IFIH1: variants seen among roughly 807,000 people sequenced by gnomAD.
The protein encoded by IFIH1 is interferon induced with helicase C domain 1.
Under a neutral mutation model 107.4 loss-of-function variants are expected in IFIH1, and 125 were observed. The observed-to-expected ratio is 1.16, with a 90% CI of 1.01 to 1.35. IFIH1 has a LOEUF of 1.35. Among genes scored for constraint, IFIH1 ranks in the 40% most tolerant of loss-of-function variants. The pLI, the probability that IFIH1 is intolerant of heterozygous loss-of-function variation, is 0.00. For synonymous variants in IFIH1, 458 were observed against 413.2 expected, an observed-to-expected ratio of 1.11 and a Z score of -1.31; for missense variants, 1,333 against 1,213.7, an observed-to-expected ratio of 1.10 and a Z score of -1.46.
Position 162,312,380 on chromosome 2 carries a change from A to G in IFIH1, c.454-1447T>C, listed in dbSNP as rs572915997. Among the ~76,000 whole-genome samples, 17 of 152,260 alleles carry G rather than the reference A, an allele frequency of 1.1e-4. No individual in the cohort carries two copies. The South Asian group carries it at 1.7e-3, about 15-fold the overall frequency. ...TTAACCCAGCAGCCCAGAAATAGGT[A>G]CCAATATTAACTCATTTACAGATCA... On this transcript the variant is annotated intron_variant, in intron 1 of 15. Coordinates refer to ENST00000649979, the MANE Select transcript of IFIH1 (RefSeq NM_022168.4).
At chr2:162,267,950 G>C in intron 14 of IFIH1, 137 bp downstream of exon 14, 1 of 588,924 alleles carries the variant, frequency 1.7e-6, no homozygotes. Context: ...TTTAAAATAG[G>C]AATATAATTG....
intron 8 of IFIH1, among the ~76,000 whole-genome samples, chr2:162,278,927 A>G (rs572243780): frequency 5.3e-5 from 8 of 152,170 alleles, no homozygotes; most frequent in African/African-American, 1.4e-4. Flanking sequence ...CTGTCTCTTG[A>G]TTTGGATTTT....
At chr2:162,273,701 A>G (rs1691090260) in intron 12 of IFIH1, 94 bp downstream of exon 12, 3 of 960,476 alleles carry the variant, frequency 3.1e-6, no homozygotes, top group Admixed American at 5.6e-5. Context: ...TAAAAACTAA[A>G]AAGATGTTTT....
chr2:162,312,296 G>A (rs1393303613), intron 1 of IFIH1, among the ~76,000 whole-genome samples: 1 of 152,004 alleles, frequency 6.6e-6, no homozygotes, highest in Admixed American at 6.6e-5. Context: ...TCTACCCAAG[G>A]GATATTTCCG....
At chr2:162,278,494 T>A (rs1347900423) in intron 8 of IFIH1, among the ~76,000 whole-genome samples, 166 bp from the exon 9 acceptor site, 1 of 152,178 alleles carries the variant, frequency 6.6e-6, no homozygotes, top group Non-Finnish European at 1.5e-5. Flanking sequence ...TTTTGTCAGC[T>A]TCTCTTTTAA....
chr2:162,288,207 G>A lies in IFIH1; in HGVS notation c.1023C>T (p.Tyr341=), dbSNP rs1235366028. 1.9e-6 allele frequency: 3 copies of A among 1,612,572 alleles called. No homozygotes were observed. In the African/African-American group the frequency reaches 4.0e-5, roughly 22 times the overall value. The change falls in exon 5 of 16, where the codon TAC becomes TAT. Residue 341 remains tyrosine, a synonymous_variant. Transcript: ENST00000649979. Reference sequence around the variant, plus strand: ...TCTTGTCTAAGTGATCCTTGGCAATGTAAACAGCCACTCTGGTTTTTCCAC... The same window carrying A: ...TCTTGTCTAAGTGATCCTTGGCAATATAAACAGCCACTCTGGTTTTTCCAC... ...TGSGKTRVAV[Y]IAKDHLDKKK...
chr2:162,306,947 A>G, intron 2 of IFIH1, 92 bp from the exon 3 acceptor site: 1 of 1,116,404 alleles, frequency 9.0e-7, no homozygotes, highest in Non-Finnish European at 1.3e-6. Flanking sequence ...AAAACAAACT[A>G]GAGGTTCCTA....
chr2:162,302,937 T>C (rs1013680411), intron 3 of IFIH1, among the ~76,000 whole-genome samples: 2 of 152,214 alleles, frequency 1.3e-5, no homozygotes, highest in Non-Finnish European at 2.9e-5. Flanking sequence ...TGTTTGTGAA[T>C]TGGATGGATC....
chr2:162,309,080 A>G (rs1005176073), intron 2 of IFIH1, among the ~76,000 whole-genome samples: 2 of 152,218 alleles, frequency 1.3e-5, no homozygotes, highest in African/African-American at 4.8e-5. Context: ...AGATATAGGA[A>G]AGAAAGCAAG....
Position 162,306,770 on chromosome 2 carries a change from C to T in IFIH1, c.708G>A (p.Glu236=). The part of the protein sequence containing the change: ...STTVQPNLEK[E]VWGMENNSSE... Reference sequence around the variant, plus strand: ...ATGAGTTATTCTCCATGCCCCAGACCTCCTTCTCCAGATTTGGCTGAACTG... The same window carrying T: ...ATGAGTTATTCTCCATGCCCCAGACTTCCTTCTCCAGATTTGGCTGAACTG... The change falls in exon 3 of 16, where the codon GAG becomes GAA. Residue 236 remains glutamate, a synonymous_variant. Transcript: ENST00000649979. 4.3e-6 allele frequency: 7 copies of T among 1,613,932 alleles called. No individual in the cohort carries two copies. The highest frequency in any genetic ancestry group is 2.2e-5 in the South Asian group (2 of 91,074).
At chr2:162,286,858 G>C (rs572507550) in intron 5 of IFIH1, among the ~76,000 whole-genome samples, 27 of 151,854 alleles carry the variant, frequency 1.8e-4, no homozygotes, top group Non-Finnish European at 2.7e-4. Flanking sequence ...TCATTACTAG[G>C]CCATATATAA....
At chr2:162,300,735 T>C (rs1449160170) in intron 3 of IFIH1, among the ~76,000 whole-genome samples, 1 of 152,210 alleles carries the variant, frequency 6.6e-6, no homozygotes, top group South Asian at 2.1e-4. Context: ...AGTCCTGATA[T>C]AGCATGAATG....
At chr2:162,314,419 T>TTTCTTTC (rs1558877465) in intron 1 of IFIH1, among the ~76,000 whole-genome samples, 3 of 38,334 alleles carry the variant, frequency 7.8e-5, no homozygotes, top group African/African-American at 1.8e-4. Flanking sequence ...TTCTTTCTTT[T>TTTCTTTC]CTTTCTTTCT....
In IFIH1 at chr2:162,318,025, T is replaced by C. The variant is rs777534095; in HGVS notation, c.283A>G (p.Met95Val). 6.8e-6 allele frequency: 11 copies of C among 1,614,068 alleles called. No individual in the cohort carries two copies. In the African/African-American group the frequency reaches 1.1e-4, roughly 16 times the overall value. ...GGCAAGTCCGTGAGCTCAGGGTTCA[T>C]GTAGCGGGCGGCCAGAGGGCTGCCG... ...RTGSPLAARY[M>V]NPELTDLPSP... The change falls in exon 1 of 16, where the codon ATG (methionine) becomes GTG (valine). Residue 95 changes from methionine to valine, a missense_variant. Coordinates refer to ENST00000649979, the MANE Select transcript of IFIH1 (RefSeq NM_022168.4).
intron 3 of IFIH1, among the ~76,000 whole-genome samples, chr2:162,299,758 T>C (rs994550796): frequency 1.1e-4 from 16 of 152,170 alleles, no homozygotes; most frequent in Admixed American, 1.0e-3. Flanking sequence ...AGAAAAAGCA[T>C]TGTAAAAATT....
At chr2:162,280,406 C>T (rs1682784486) in intron 7 of IFIH1, among the ~76,000 whole-genome samples, 1 of 151,978 alleles carries the variant, frequency 6.6e-6, no homozygotes, top group Admixed American at 6.6e-5. Flanking sequence ...GATATTCATT[C>T]CTTAAATTCC....
chr2:162,283,537 G>A (rs983821666), intron 5 of IFIH1, among the ~76,000 whole-genome samples: 1 of 151,998 alleles, frequency 6.6e-6, no homozygotes, highest in Non-Finnish European at 1.5e-5. Context: ...TACAATATGG[G>A]AAACAGAGAG....
chr2:162,278,368 T>C lies in IFIH1; in HGVS notation c.1642-40A>G, dbSNP rs766494580. 8.1e-6 allele frequency: 8 copies of C among 987,114 alleles called. No individual in the cohort carries two copies. In the South Asian group the frequency reaches 1.3e-4, roughly 16 times the overall value. The allele number at this position is 987,114 out of a possible 1,614,324, so 61.1% of individuals were successfully genotyped here. A position where few individuals can be genotyped will look rare whatever the true frequency, so the allele number is the denominator to read the frequency against. ...CACACTTATTCTTATGTATTCTTAT[T>C]GTTAAAGGAATAACATTATCTTTGT... On this transcript the variant is annotated intron_variant, in intron 8 of 15. Coordinates refer to ENST00000649979, the MANE Select transcript of IFIH1 (RefSeq NM_022168.4).
chr2:162,273,983 A>G, intron 11 of IFIH1, 39 bp from the exon 12 acceptor site: 1 of 1,353,036 alleles, frequency 7.4e-7, no homozygotes, highest in Non-Finnish European at 1.0e-6. Context: ...TTGTGATGCT[A>G]AACACATTAA....
Sources: allele counts gnomAD v4.1 joint callset (sites outside exome capture counted in the v4.1 genomes callset), GRCh38; gene constraint gnomAD v4.1.1; transcripts MANE v1.5; gene names NCBI Gene and HGNC (gene_info 2026-07-23, HGNC 2026-07-21).